ANKRD60: variants seen among roughly 807,000 people sequenced by gnomAD.
ANKRD60 encodes ankyrin repeat domain-containing protein 60.
A neutral mutation model predicts 21.3 loss-of-function variants in ANKRD60; 24 were observed. The observed-to-expected ratio is 1.13, with a 90% CI of 0.82 to 1.59. ANKRD60 has a LOEUF of 1.59. Among genes scored for constraint, ANKRD60 ranks in the 40% most tolerant of loss-of-function variants. The pLI is 0.00. For synonymous variants in ANKRD60, 182 were observed against 199.4 expected, an observed-to-expected ratio of 0.91 and a Z score of 0.74; for missense variants, 490 against 466.7, an observed-to-expected ratio of 1.05 and a Z score of -0.46.
At chr20:58,223,204 C>G in intron 1 of ANKRD60, 22 bp from the exon 2 acceptor site, 1 of 1,530,114 alleles carries the variant, frequency 6.5e-7, no homozygotes, top group South Asian at 1.2e-5. Context: ...AATTTTTTTT[C>G]TTTTAAAAAA....
chr20:58,217,075 A>G (rs1371446835), downstream of ANKRD60, among the ~76,000 whole-genome samples: 2 of 152,250 alleles, frequency 1.3e-5, no homozygotes, highest in African/African-American at 4.8e-5. Flanking sequence ...TGTGCCCCAC[A>G]TCTTCTCACT....
intron 1 of ANKRD60, among the ~76,000 whole-genome samples, chr20:58,227,665 G>A (rs1337701911): frequency 5.3e-5 from 8 of 152,142 alleles, no homozygotes; most frequent in Non-Finnish European, 1.2e-4. Flanking sequence ...GCATGCTTGC[G>A]TGGACATGGT....
At position 58,228,399 on chromosome 20, in the gene ANKRD60, G is replaced by A. The variant is rs7363917; in HGVS notation, c.255C>T (p.Ala85=). ...AGACGTCAGGGGCCAAGTCGGGCAAGGCACTCGCGGCCTTCGGGTCACAGA... is the reference window on the plus strand; with the variant it reads ...AGACGTCAGGGGCCAAGTCGGGCAAAGCACTCGCGGCCTTCGGGTCACAGA... Residue 85 remains alanine (A), a synonymous_variant, in exon 1 of 4, where the codon GCC becomes GCT. Coordinates refer to ENST00000457363, the Ensembl canonical transcript of ANKRD60. The surrounding 1 kb of genome is among the most constrained non-coding windows in gnomAD (Gnocchi z 5.3). The A allele has an allele frequency of 6.5e-7, 1 of 1,545,660 alleles. No individual in the cohort carries two copies. The highest frequency in any genetic ancestry group is 2.0e-5 in the Admixed American group (1 of 50,964).
chr20:58,222,789 G>A (rs146009002), intron 2 of ANKRD60, among the ~76,000 whole-genome samples: 1 of 152,158 alleles, frequency 6.6e-6, no homozygotes, highest in Non-Finnish European at 1.5e-5. Flanking sequence ...GAATAGAAAC[G>A]TGCTGCCTCG....
intron 1 of ANKRD60, among the ~76,000 whole-genome samples, chr20:58,226,355 G>A (rs1984363568): frequency 6.6e-6 from 1 of 152,110 alleles, no homozygotes; most frequent in South Asian, 2.1e-4. Context: ...GCCCCGAGTA[G>A]TGTAGCATTT....
intron 1 of ANKRD60, among the ~76,000 whole-genome samples, chr20:58,225,813 C>T (rs1431826666): frequency 6.6e-6 from 1 of 152,188 alleles, no homozygotes; most frequent in South Asian, 2.1e-4. Context: ...AAGTGTGTTG[C>T]GTTGATTTCA....
rs1206677888 is a variant in ANKRD60 at position 58,228,572 on chromosome 20, C to T, written c.82G>A (p.Ala28Thr). ...CCCGCATTGGGGTGCAGGCGAGAGG[C>T]GCCCCCAGTTGGCCCCGCCGCCCGC... Residue 28 changes from alanine to threonine, a missense_variant, in exon 1 of 4, where the codon GCC becomes ACC. Ala to Thr is a moderately conservative substitution (Grantham distance 58, BLOSUM62 0). Transcript: ENST00000457363. This position sits in a 1 kb window ranked among gnomAD's most constrained non-coding sequence, Gnocchi z 5.3. The T allele has an allele frequency of 1.3e-5, 16 of 1,202,328 alleles. No individual in the cohort carries two copies. In the East Asian group the frequency reaches 5.0e-4, roughly 38 times the overall value. 74.5% of individuals were successfully genotyped at this position (1,202,328 alleles called of 1,614,324 possible).
chr20:58,228,615 C>T lies in ANKRD60; in HGVS notation c.39G>A (p.Ala13=), dbSNP rs1984422966. ...CCGCCCGCGCTCCGCCCGCCCCCGC[C>T]GCCGCCCGCCGCATCCCCCAGGCGC... is the stretch of plus-strand genomic sequence containing the variant. The change falls in exon 1 of 4, where the codon GCG becomes GCA. Residue 13 remains alanine, a synonymous_variant. Coordinates refer to ENST00000457363, the Ensembl canonical transcript of ANKRD60. This position sits in a 1 kb window ranked among gnomAD's most constrained non-coding sequence, Gnocchi z 5.3. The T allele has an allele frequency of 3.9e-6, 4 of 1,030,602 alleles. No individual in the cohort carries two copies. The highest frequency in any genetic ancestry group is 4.7e-6 in the Non-Finnish European group (4 of 857,708). The allele number at this position is 1,030,602 out of a possible 1,614,324, so 63.8% of individuals were successfully genotyped here.
Position 58,223,347 on chromosome 20 carries a change from G to C in ANKRD60, c.431-165C>G, listed in dbSNP as rs74545767. Reference sequence around the variant, plus strand: ...TGTCGCGTGGGTCTGTCTGTTGTTGGTAATGCTTTTCAGAAAATAAATTTG... The same window carrying C: ...TGTCGCGTGGGTCTGTCTGTTGTTGCTAATGCTTTTCAGAAAATAAATTTG... On this transcript the variant is annotated intron_variant, in intron 1 of 3. Coordinates refer to ENST00000457363, the Ensembl canonical transcript of ANKRD60. Among the ~76,000 whole-genome samples, 1,499 of 152,298 alleles carry C rather than the reference G, an allele frequency of 9.8e-3. 28 individuals carry two copies. Among genetic ancestry groups the C allele is most frequent in the African/African-American group, 0.034 (1,407 of 41,558 alleles).
At chr20:58,219,585 G>A (rs956858040) in intron 3 of ANKRD60, among the ~76,000 whole-genome samples, 2 of 152,134 alleles carry the variant, frequency 1.3e-5, no homozygotes, top group Admixed American at 1.3e-4. Context: ...GCTAATGACA[G>A]GTGTCCAATA....
Position 58,227,074 on chromosome 20 carries a change from G to A in ANKRD60, c.430+1150C>T, listed in dbSNP as rs1984380083. Among the ~76,000 whole-genome samples the A allele has an allele frequency of 2.6e-5, 4 of 152,302 alleles. 1 individual carries two copies. In the South Asian group the frequency reaches 8.3e-4, roughly 32 times the overall value. ...TAGAGATATATGGGGTCTTGAGGCA[G>A]GCAGCGTTTGTTTCGGATCTTGGCA... On this transcript the variant is annotated intron_variant, in intron 1 of 3. Transcript: ENST00000457363.
intron 3 of ANKRD60, among the ~76,000 whole-genome samples, chr20:58,220,409 C>T (rs1486139033): frequency 1.3e-5 from 2 of 151,916 alleles, no homozygotes; most frequent in Non-Finnish European, 1.5e-5. Context: ...ATAGAGTGTA[C>T]ACCTATGGAA....
At chr20:58,227,430 G>A (rs1984387678) in intron 1 of ANKRD60, among the ~76,000 whole-genome samples, 1 of 152,042 alleles carries the variant, frequency 6.6e-6, no homozygotes. Context: ...GTAGTCATGG[G>A]TAGCCTGGAG....
chr20:58,217,929 AGT>A (rs2122799196), downstream of ANKRD60, among the ~76,000 whole-genome samples: 1 of 152,232 alleles, frequency 6.6e-6, no homozygotes, highest in East Asian at 1.9e-4. Context: ...CCTTCTGGAG[AGT>A]GTGTGTGGAC....
intron 3 of ANKRD60, 127 bp from the exon 4 acceptor site, chr20:58,218,932 C>T: frequency 1.2e-6 from 1 of 814,346 alleles, no homozygotes; most frequent in Non-Finnish European, 1.9e-6. Flanking sequence ...TACTGCCCTG[C>T]CCCCAGTCCA....
intron 3 of ANKRD60, among the ~76,000 whole-genome samples, chr20:58,220,489 C>CAGAGAGAGAGAGAGAGAGAG (rs11469843): frequency 2.1e-5 from 3 of 144,268 alleles, no homozygotes; most frequent in African/African-American, 7.8e-5. Context: ...TCAAGAGAGC[C>CAGAGAGAGAGAGAGAGAGAG]AGAGAGAGAG....
At chr20:58,218,426 G>A, downstream of ANKRD60, 1 of 1,436,052 alleles carries the variant, frequency 7.0e-7, no homozygotes, top group Non-Finnish European at 9.4e-7. Context: ...CTCACCAAGG[G>A]CCCCCATGGG....
intron 1 of ANKRD60, among the ~76,000 whole-genome samples, chr20:58,223,921 G>A (rs954135314): frequency 6.6e-6 from 1 of 152,112 alleles, no homozygotes; most frequent in African/African-American, 2.4e-5. Context: ...GGGCCACATG[G>A]CAAAAACCCG....
Position 58,221,261 on chromosome 20 carries a change from G to A in ANKRD60, c.727+77C>T, listed in dbSNP as rs529085731. ...AGGAAACCACTGCTGGAAGGACTGG[G>A]AACACAAGACACTCTGTCCTTTCTA... On this transcript the variant is annotated intron_variant, in intron 3 of 3. Transcript: ENST00000457363. 4 of 1,445,160 alleles carry A rather than the reference G, an allele frequency of 2.8e-6. No individual in the cohort carries two copies. The Admixed American group carries it at 8.9e-5, about 32-fold the overall frequency. 89.5% of individuals were successfully genotyped at this position (1,445,160 alleles called of 1,614,324 possible). A position where few individuals can be genotyped will look rare whatever the true frequency, so the allele number is the denominator to read the frequency against.
Sources: gnomAD v4.1 joint callset for allele counts (sites outside exome capture counted in the v4.1 genomes callset) on GRCh38, gnomAD v4.1.1 for gene constraint, Gnocchi (gnomAD v3.1) non-coding constraint, MANE v1.5 for transcripts, NCBI Gene and HGNC (gene_info 2026-07-23, HGNC 2026-07-21) for gene names.